ZFHX3: variants seen among roughly 807,000 people sequenced by gnomAD.
ZFHX3 encodes the protein zinc finger homeobox 3, also known as zinc finger homeobox protein 3.
ZFHX3 carries 42 observed loss-of-function variants against 279.1 expected under a neutral mutation model. The observed-to-expected ratio is 0.15, with a 90% CI of 0.12 to 0.19. The LOEUF (loss-of-function observed/expected upper bound fraction) is 0.19, where lower values mean the gene tolerates loss of function less well. ZFHX3 is among the 10% of genes least tolerant of loss of function. The pLI is 1.00. For synonymous variants in ZFHX3, 2,293 were observed against 1,957.8 expected (o/e 1.17, Z -4.52); for missense variants, 4,981 against 4,754.0 (o/e 1.05, Z -1.40).
intron 1 of ZFHX3, among the ~76,000 whole-genome samples, chr16:73,703,745 A>T (rs2053275555): frequency 6.6e-6 from 1 of 152,196 alleles, no homozygotes; most frequent in South Asian, 2.1e-4. Flanking sequence ...AGGTGGACAC[A>T]CAGGTAGATG....
At chr16:73,181,086 T>TTTGTTTGTTTG (rs1555503052) in intron 5 of ZFHX3, among the ~76,000 whole-genome samples, 1 of 76,354 alleles carries the variant, frequency 1.3e-5, no homozygotes, top group Admixed American at 1.2e-4. Flanking sequence ...TGTTTGTTTG[T>TTTGTTTGTTTG]TTTGTTTTGT....
At chr16:73,095,559 C>T (rs1966150548) in intron 7 of ZFHX3, among the ~76,000 whole-genome samples, 1 of 152,222 alleles carries the variant, frequency 6.6e-6, no homozygotes, top group Non-Finnish European at 1.5e-5. Flanking sequence ...ATTGTTAAAA[C>T]AGGTATAAAT....
intron 4 of ZFHX3, among the ~76,000 whole-genome samples, chr16:73,295,482 G>A (rs763266412): frequency 9.9e-5 from 15 of 152,192 alleles, no homozygotes; most frequent in Non-Finnish European, 1.9e-4. Context: ...TTTCTCATTG[G>A]CTTTGAGAAT....
rs113412186 is a variant in ZFHX3, at chr16:73,777,626, C to T, written c.-1607-97386G>A. Among the ~76,000 whole-genome samples, 106 of 151,302 alleles carry T rather than the reference C, an allele frequency of 7.0e-4. 1 individual carries two copies. Among genetic ancestry groups the T allele is most frequent in the Non-Finnish European group, 1.2e-3 (81 of 67,874 alleles). On this transcript the variant is annotated intron_variant, in intron 1 of 17. Transcript: ENST00000641206. ...CACTGTCCCCAAATCTTTTTTTCTC[C>T]GTGCATCTTTCCAACTGTATCAATG...
intron 1 of ZFHX3, among the ~76,000 whole-genome samples, chr16:73,769,271 T>A (rs1454927187): frequency 6.6e-6 from 1 of 152,162 alleles, no homozygotes; most frequent in Non-Finnish European, 1.5e-5. Flanking sequence ...GTGCCCCCTC[T>A]GACTTAGATC....
At chr16:73,669,904 A>C (rs1228630641) in intron 2 of ZFHX3, among the ~76,000 whole-genome samples, 1 of 152,234 alleles carries the variant, frequency 6.6e-6, no homozygotes, top group Non-Finnish European at 1.5e-5. Flanking sequence ...TCTTGAGCTA[A>C]GCTGTTGTAC....
chr16:73,105,341 G>GTATATATA (rs59245170), intron 7 of ZFHX3, among the ~76,000 whole-genome samples: 19 of 109,654 alleles, frequency 1.7e-4, no homozygotes, highest in African/African-American at 5.8e-4. Context: ...ACACACGTGT[G>GTATATATA]TATATATATA....
chr16:73,521,295 G>A (rs1195374142), intron 2 of ZFHX3, among the ~76,000 whole-genome samples: 2 of 152,124 alleles, frequency 1.3e-5, no homozygotes, highest in Non-Finnish European at 2.9e-5. Context: ...TACCTTAAAG[G>A]TTTGTTGTAA....
chr16:73,345,066 G>C (rs2016099594), intron 3 of ZFHX3, among the ~76,000 whole-genome samples: 1 of 152,034 alleles, frequency 6.6e-6, no homozygotes, highest in Non-Finnish European at 1.5e-5. Flanking sequence ...CAGCTTAAAG[G>C]GGTTGAATGT....
intron 2 of ZFHX3, among the ~76,000 whole-genome samples, chr16:73,606,180 TAAAAAAAAAAAAAAAAAAA>T (rs35080897): frequency 1.4e-4 from 5 of 35,214 alleles, no homozygotes; most frequent in African/African-American, 7.4e-4. Context: ...AGGCTCCATC[TAAAAAAAAAAAAAAAAAAA>T]AAAAAAAAAA....
chr16:72,814,912 C>T (rs1433283027), intron 5 of ZFHX3, among the ~76,000 whole-genome samples: 1 of 152,226 alleles, frequency 6.6e-6, no homozygotes, highest in South Asian at 2.1e-4. Context: ...AAAGATAAAG[C>T]AATGCCATCC....
intron 3 of ZFHX3, among the ~76,000 whole-genome samples, chr16:73,362,055 A>G (rs919123850): frequency 5.9e-5 from 9 of 152,170 alleles, no homozygotes; most frequent in Non-Finnish European, 1.2e-4. Context: ...CATCTGGGAC[A>G]ACTTGTTCCA....
intron 2 of ZFHX3, among the ~76,000 whole-genome samples, chr16:73,599,727 G>A (rs2052090610): frequency 2.4e-5 from 1 of 42,284 alleles, no homozygotes; most frequent in African/African-American, 1.1e-4. Flanking sequence ...AGATTAAAAT[G>A]TCATTAAAAA....
At chr16:72,967,406 G>A (rs187216024) in intron 1 of ZFHX3, among the ~76,000 whole-genome samples, 1 of 152,074 alleles carries the variant, frequency 6.6e-6, no homozygotes, top group East Asian at 1.9e-4. Flanking sequence ...GTGACAGTAA[G>A]TGATTGCAAC....
intron 5 of ZFHX3, among the ~76,000 whole-genome samples, chr16:72,818,106 A>G (rs939570552): frequency 6.6e-6 from 1 of 152,196 alleles, no homozygotes; most frequent in African/African-American, 2.4e-5. Flanking sequence ...ATAGCTCCAT[A>G]CTTAATGTCT....
chr16:73,388,611 T>C (rs55790305), intron 3 of ZFHX3, among the ~76,000 whole-genome samples: 25,327 of 152,118 alleles, frequency 0.17, 2,694 homozygotes, highest in Non-Finnish European at 0.24. Context: ...GGCAGGCAAG[T>C]TTCTGCCCTC....
chr16:73,004,159 CTT>C (rs3081625), intron 1 of ZFHX3, among the ~76,000 whole-genome samples: 759 of 49,312 alleles, frequency 0.015, 4 homozygotes, highest in Non-Finnish European at 0.02. Flanking sequence ...AAAAACACGA[CTT>C]TTTTTTTTTT....
chr16:73,137,210 G>T (rs1966810639), intron 6 of ZFHX3: 1 of 152,172 alleles, frequency 6.6e-6, no homozygotes, highest in African/African-American at 2.4e-5. Context: ...TCTGGATAAA[G>T]TAGACAGTAG....
chr16:73,866,310 T>C (rs1255754713), intron 1 of ZFHX3, among the ~76,000 whole-genome samples: 5 of 151,066 alleles, frequency 3.3e-5, no homozygotes, highest in African/African-American at 1.2e-4. Flanking sequence ...TCTCTAGTAG[T>C]TGGGATTACA....
Sources: allele counts gnomAD v4.1 joint callset (sites outside exome capture counted in the v4.1 genomes callset), GRCh38; gene constraint gnomAD v4.1.1; transcripts MANE v1.5; gene names NCBI Gene and HGNC (gene_info 2026-07-23, HGNC 2026-07-21).